Variants in OR51B5 observed in about 807,000 individuals in gnomAD.
OR51B5 encodes the protein olfactory receptor family 51 subfamily B member 5.
For synonymous variants in OR51B5, 186 were observed against 144.8 expected (o/e 1.28, Z -2.04); for missense variants, 456 against 374.6 (o/e 1.22, Z -1.79).
intron 1 of OR51B5, chr11:5,453,488 T>C: frequency 1.3e-6 from 2 of 1,532,922 alleles, no homozygotes; most frequent in East Asian, 2.3e-5. Flanking sequence ...TTTGTTTTGC[T>C]ATGGGGTTGT....
intron 1 of OR51B5, among the ~76,000 whole-genome samples, chr11:5,405,882 A>G (rs1455482811): frequency 6.6e-6 from 1 of 152,134 alleles, no homozygotes; most frequent in Non-Finnish European, 1.5e-5. Context: ...AGGTGACACA[A>G]CTCCATAGAG....
intron 1 of OR51B5, chr11:5,390,686 A>G: frequency 3.5e-6 from 1 of 283,384 alleles, no homozygotes. Flanking sequence ...AAAACTAAAA[A>G]GAACAATAAA....
In OR51B5 at chr11:5,489,770, G is replaced by T. The variant is rs775779294; in HGVS notation, n.84+15799C>A. ...TGAAAGGAATGGTATGACATGGCAG[G>T]AAGCTCTGGAAGGAAGAGGAATAGC... On this transcript the variant is annotated intron_variant and non_coding_transcript_variant, in intron 1 of 4. Transcript: ENST00000415970. 785 of 782,152 alleles carry T rather than the reference G, an allele frequency of 1.0e-3. 3 individuals carry two copies. Among genetic ancestry groups the T allele is most frequent in the South Asian group, 1.4e-3 (84 of 58,284 alleles). The allele number at this position is 782,152 out of a possible 1,614,324, so 48.5% of individuals were successfully genotyped here. A position where few individuals can be genotyped will look rare whatever the true frequency, so the allele number is the denominator to read the frequency against.
intron 1 of OR51B5, among the ~76,000 whole-genome samples, chr11:5,374,444 A>T (rs572701563): frequency 6.6e-6 from 1 of 152,348 alleles, no homozygotes; most frequent in African/African-American, 2.4e-5. Context: ...TCCAAAGGAA[A>T]GCAGTTCCTC....
At chr11:5,458,658 T>G (rs1334884021) in intron 1 of OR51B5, among the ~76,000 whole-genome samples, 1 of 152,208 alleles carries the variant, frequency 6.6e-6, no homozygotes, top group Non-Finnish European at 1.5e-5. Context: ...ATTCTCATTG[T>G]AGAGATCATT....
intron 1 of OR51B5, chr11:5,468,893 A>G: frequency 5.2e-6 from 2 of 381,492 alleles, no homozygotes; most frequent in South Asian, 3.9e-5. Flanking sequence ...GGAATGGGCC[A>G]GTACCACACT....
At chr11:5,441,549 G>T in intron 1 of OR51B5, 1 of 1,502,574 alleles carries the variant, frequency 6.7e-7, no homozygotes, top group Non-Finnish European at 9.1e-7. Context: ...GGACCCAAGA[G>T]GGTGTGTTGG....
intron 1 of OR51B5, among the ~76,000 whole-genome samples, chr11:5,413,791 C>T (rs1046914181): frequency 5.3e-5 from 8 of 151,606 alleles, no homozygotes; most frequent in African/African-American, 1.9e-4. Flanking sequence ...TGTGAAAAGA[C>T]CAAATCTACA....
intron 1 of OR51B5, among the ~76,000 whole-genome samples, chr11:5,477,840 G>A (rs889359093): frequency 2.7e-4 from 41 of 152,252 alleles, no homozygotes; most frequent in East Asian, 2.3e-3. Context: ...ATTATATCCC[G>A]CACCTGGCTC....
chr11:5,418,008 C>T (rs1589985336), intron 1 of OR51B5, among the ~76,000 whole-genome samples: 1 of 98,908 alleles, frequency 1.0e-5, no homozygotes, highest in Non-Finnish European at 2.3e-5. Context: ...TTGGAACCAA[C>T]CCAAATGTCC....
At chr11:5,372,844 G>C (rs980406676) in intron 1 of OR51B5, among the ~76,000 whole-genome samples, 1 of 152,074 alleles carries the variant, frequency 6.6e-6, no homozygotes, top group Non-Finnish European at 1.5e-5. Context: ...TGAAACCACA[G>C]AACACCCCCA....
At chr11:5,348,207 A>G (rs1315637297), upstream of OR51B5, among the ~76,000 whole-genome samples, 1 of 152,194 alleles carries the variant, frequency 6.6e-6, no homozygotes, top group East Asian at 1.9e-4. Flanking sequence ...AAATATAAAA[A>G]AGTGAAGGAT....
At chr11:5,395,497 C>A (rs1265084761) in intron 1 of OR51B5, among the ~76,000 whole-genome samples, 2 of 152,148 alleles carry the variant, frequency 1.3e-5, no homozygotes, top group African/African-American at 4.8e-5. Flanking sequence ...TCTATCATAT[C>A]TCCCGTGATG....
Position 5,390,377 on chromosome 11 carries a change from T to G in OR51B5, n.85-43467A>C, listed in dbSNP as rs1296030297. 3.8e-6 allele frequency: 6 copies of G among 1,588,668 alleles called. No individual in the cohort carries two copies. The East Asian group carries it at 1.4e-4, about 36-fold the overall frequency. ...CCTAGGTCTTAAAAAGGCCAGTAAA[T>G]GAGTCCTGGGGCTAAAACTCCCCCT... On this transcript the variant is annotated intron_variant and non_coding_transcript_variant, in intron 1 of 4. Coordinates refer to the OR51B5 transcript ENST00000415970.
At chr11:5,447,132 A>G (rs1046212389) in intron 1 of OR51B5, among the ~76,000 whole-genome samples, 3 of 152,196 alleles carry the variant, frequency 2.0e-5, no homozygotes, top group East Asian at 1.9e-4. Flanking sequence ...TAATAATACA[A>G]TAAGAATGAG....
intron 1 of OR51B5, chr11:5,453,827 T>C (rs769070676): frequency 2.0e-5 from 33 of 1,614,086 alleles, no homozygotes; most frequent in Non-Finnish European, 2.6e-5. Flanking sequence ...TGGAATCAGG[T>C]ATTCTGCTGG....
At chr11:5,420,439 TTTGTCA>T (rs1850315857) in intron 1 of OR51B5, among the ~76,000 whole-genome samples, 2 of 152,104 alleles carry the variant, frequency 1.3e-5, no homozygotes, top group Admixed American at 6.5e-5. Context: ...TACTGTTAAC[TTTGTCA>T]TATAGTTTTT....
intron 1 of OR51B5, among the ~76,000 whole-genome samples, chr11:5,373,441 G>C (rs1849473707): frequency 6.6e-6 from 1 of 152,160 alleles, no homozygotes; most frequent in African/African-American, 2.4e-5. Flanking sequence ...TCTGAGGTAT[G>C]GGGTTCATCT....
chr11:5,484,462 G>T (rs533918546), intron 1 of OR51B5, among the ~76,000 whole-genome samples: 1 of 152,280 alleles, frequency 6.6e-6, no homozygotes, highest in Non-Finnish European at 1.5e-5. Context: ...AAAAGAAGAT[G>T]GTAGTGATTC....
Sources: allele counts gnomAD v4.1 joint callset (sites outside exome capture counted in the v4.1 genomes callset), GRCh38; gene constraint gnomAD v4.1.1; transcripts MANE v1.5; gene names NCBI Gene and HGNC (gene_info 2026-07-23, HGNC 2026-07-21).